RGPD2: variants seen among roughly 807,000 people sequenced by gnomAD.
RGPD2 encodes the protein RANBP2-like and GRIP domain-containing protein 2.
In RGPD2, 2 loss-of-function variants were observed where a neutral mutation model predicts 36.0. The observed-to-expected ratio is 0.06, with a 90% CI of 0.02 to 0.17. RGPD2 has a LOEUF of 0.17. RGPD2 is among the 10% of genes least tolerant of loss of function. The pLI, the probability that RGPD2 is intolerant of heterozygous loss-of-function variation, is 1.00. For missense variants in RGPD2, 40 were observed against 464.3 expected (o/e 0.09, Z 8.40); for synonymous variants, 19 against 163.8 (o/e 0.12, Z 6.75).
chr2:87,948,490 G>A, the RGPD2 span, among the ~76,000 whole-genome samples: 9 of 148,946 alleles, frequency 6.0e-5, 1 homozygote, highest in Non-Finnish European at 7.4e-5. Flanking sequence ...CAAATTATTC[G>A]CCTGCGTCAG....
the RGPD2 span, among the ~76,000 whole-genome samples, chr2:87,983,758 C>T: frequency 2.7e-5 from 4 of 147,806 alleles, no homozygotes; most frequent in African/African-American, 9.8e-5. Flanking sequence ...GACCTAAGCA[C>T]GTCTTGTCGG....
chr2:87,809,702 T>C (rs1454815132), intron 6 of RGPD2, among the ~76,000 whole-genome samples: 2 of 150,934 alleles, frequency 1.3e-5, no homozygotes, highest in South Asian at 2.1e-4. Flanking sequence ...CTGCCTAGGG[T>C]GGCACCAGCT....
the RGPD2 span, chr2:87,985,710 C>T: frequency 1.3e-6 from 2 of 1,554,696 alleles, no homozygotes; most frequent in African/African-American, 2.7e-5. Flanking sequence ...ATAAAGAAAA[C>T]AATTGTATTT....
the RGPD2 span, among the ~76,000 whole-genome samples, chr2:87,933,413 C>A: frequency 1.6e-5 from 2 of 121,576 alleles, no homozygotes; most frequent in African/African-American, 6.2e-5. Flanking sequence ...TACCAAGACA[C>A]TGTGCTAAGC....
At chr2:87,936,758 CAT>C in the RGPD2 span, among the ~76,000 whole-genome samples, 4 of 73,294 alleles carry the variant, frequency 5.5e-5, no homozygotes, top group Non-Finnish European at 1.1e-4. Context: ...TAAACACACA[CAT>C]ACACACACAC....
the RGPD2 span, among the ~76,000 whole-genome samples, chr2:87,913,241 T>TAGGG: frequency 8.6e-5 from 13 of 151,678 alleles, no homozygotes; most frequent in Non-Finnish European, 1.5e-4. Flanking sequence ...ATGTCCTTTG[T>TAGGG]AGGGACATGG....
chr2:87,893,724 T>TAA, the RGPD2 span, among the ~76,000 whole-genome samples: 2 of 96,062 alleles, frequency 2.1e-5, no homozygotes, highest in East Asian at 4.5e-4. Flanking sequence ...ATATGGCAGA[T>TAA]ATATTTAAGT....
chr2:87,957,394 C>A, the RGPD2 span, among the ~76,000 whole-genome samples: 12 of 151,296 alleles, frequency 7.9e-5, no homozygotes, highest in African/African-American at 2.4e-4. Context: ...ATCATGCTGG[C>A]CTCTTGACAT....
At chr2:87,938,372 C>T in the RGPD2 span, among the ~76,000 whole-genome samples, 26 of 149,864 alleles carry the variant, frequency 1.7e-4, no homozygotes, top group African/African-American at 2.7e-4. Flanking sequence ...AAATAAATGA[C>T]GAAAATCTTG....
the RGPD2 span, among the ~76,000 whole-genome samples, chr2:87,985,235 T>C: frequency 6.6e-6 from 1 of 150,854 alleles, no homozygotes; most frequent in African/African-American, 2.4e-5. Flanking sequence ...GTAGATGGTA[T>C]AGTACTCGGC....
At chr2:87,831,101 CTT>C in the RGPD2 span, among the ~76,000 whole-genome samples, 2 of 152,086 alleles carry the variant, frequency 1.3e-5, no homozygotes, top group Non-Finnish European at 2.9e-5. Flanking sequence ...AGTATGGTAA[CTT>C]AAATAATTGG....
chr2:87,863,712 G>A, the RGPD2 span, among the ~76,000 whole-genome samples: 670 of 146,356 alleles, frequency 4.6e-3, 2 homozygotes, highest in Middle Eastern at 0.014. Flanking sequence ...GTGTGTGTGT[G>A]TATATATATA....
chr2:87,881,460 G>A, the RGPD2 span, among the ~76,000 whole-genome samples: 1 of 151,872 alleles, frequency 6.6e-6, no homozygotes, highest in East Asian at 1.9e-4. Context: ...TGAAATCTAG[G>A]CAGTTGCTGC....
chr2:87,866,635 T>C, the RGPD2 span, among the ~76,000 whole-genome samples: 2 of 152,268 alleles, frequency 1.3e-5, no homozygotes, highest in Non-Finnish European at 2.9e-5. Flanking sequence ...GGGTGCATGG[T>C]GGCTCCCCTT....
chr2:87,886,526 TTCTTTGG>T, the RGPD2 span, among the ~76,000 whole-genome samples: 1 of 151,920 alleles, frequency 6.6e-6, no homozygotes, highest in South Asian at 2.1e-4. Context: ...ATGAATAAAT[TTCTTTGG>T]TCCTCTCTAG....
At chr2:87,805,786 G>A (rs1162850586) in intron 7 of RGPD2, among the ~76,000 whole-genome samples, 1 of 152,168 alleles carries the variant, frequency 6.6e-6, no homozygotes, top group Non-Finnish European at 1.5e-5. Context: ...TGTGAACTCG[G>A]GAGGTGGAGC....
At chr2:87,857,914 A>T in the RGPD2 span, among the ~76,000 whole-genome samples, 1 of 152,212 alleles carries the variant, frequency 6.6e-6, no homozygotes, top group African/African-American at 2.4e-5. Flanking sequence ...TACTGTATGT[A>T]GTTCAATAAA....
the RGPD2 span, among the ~76,000 whole-genome samples, chr2:87,900,507 G>GAACACA: frequency 9.9e-6 from 1 of 101,136 alleles, no homozygotes; most frequent in East Asian, 2.8e-4. Context: ...TAATATGCTA[G>GAACACA]CTTAAATTAG....
At chr2:87,882,893 T>C in the RGPD2 span, among the ~76,000 whole-genome samples, 1 of 151,968 alleles carries the variant, frequency 6.6e-6, no homozygotes, top group East Asian at 1.9e-4. Flanking sequence ...AGTTAATTGT[T>C]AGTGTGTAGC....
Sources: gnomAD v4.1 joint callset for allele counts (sites outside exome capture counted in the v4.1 genomes callset) on GRCh38, gnomAD v4.1.1 for gene constraint, MANE v1.5 for transcripts, NCBI Gene and HGNC (gene_info 2026-07-23, HGNC 2026-07-21) for gene names.